The following GIGYF2 variants were observed in gnomAD, a reference collection of about 807,000 sequenced individuals.
The protein encoded by GIGYF2 is GRB10-interacting GYF protein 2.
In GIGYF2, 25 loss-of-function variants were observed where a neutral mutation model predicts 208.1. The observed-to-expected ratio is 0.12, with a 90% CI of 0.09 to 0.17. The LOEUF (loss-of-function observed/expected upper bound fraction) is 0.17. Among genes scored for constraint, GIGYF2 ranks in the 10% least tolerant of loss-of-function variants. The pLI is 1.00. For synonymous variants in GIGYF2, 534 were observed against 543.8 expected, an observed-to-expected ratio of 0.98 and a Z score of 0.25; for missense variants, 1,302 against 1,579.4, an observed-to-expected ratio of 0.82 and a Z score of 2.98.
chr2:232,717,950 C>T (rs1035218576), intron 2 of GIGYF2, among the ~76,000 whole-genome samples: 3 of 152,014 alleles, frequency 2.0e-5, no homozygotes, highest in African/African-American at 7.2e-5. Flanking sequence ...GGTCATATAC[C>T]CAAACCATAG....
At chr2:232,830,801 C>T (rs1375621114) in intron 21 of GIGYF2, among the ~76,000 whole-genome samples, 1 of 140,722 alleles carries the variant, frequency 7.1e-6, no homozygotes, top group African/African-American at 2.7e-5. Context: ...AGCAACATAG[C>T]GAGACCCTGT....
Position 232,751,699 on chromosome 2 carries a change from A to C in GIGYF2, c.267+2617A>C, listed in dbSNP as rs140466377. On this transcript the variant is annotated intron_variant, in intron 5 of 28. Transcript: ENST00000373563. ...AATATATCAGAAGAGGGAAGAGGAC[A>C]TGCTACTAGTTACCAAAATGTGGTA... 3.9e-3 allele frequency among the ~76,000 whole-genome samples: 598 copies of C among 152,320 alleles called. 1 individual carries two copies. The highest frequency in any genetic ancestry group is 0.013 in the African/African-American group (561 of 41,564).
chr2:232,714,082 TGG>T (rs1696559230), intron 2 of GIGYF2, among the ~76,000 whole-genome samples: 1 of 152,048 alleles, frequency 6.6e-6, no homozygotes, highest in Non-Finnish European at 1.5e-5. Flanking sequence ...CCAGAGTAGC[TGG>T]GACTACAGGC....
rs972661229 is a variant in GIGYF2, at chr2:232,807,658, G to T, written c.1806+1001G>T. Among the ~76,000 whole-genome samples the T allele has an allele frequency of 3.9e-5, 6 of 152,318 alleles. No individual in the cohort carries two copies. In the East Asian group the frequency reaches 1.2e-3, roughly 29 times the overall value. Reference sequence around the variant, plus strand: ...CCTCTCAGTAGTGTTCCTTTTGGAGGTCTTTCACCTGTACCTCATTTTTTC... The same window carrying T: ...CCTCTCAGTAGTGTTCCTTTTGGAGTTCTTTCACCTGTACCTCATTTTTTC... On this transcript the variant is annotated intron_variant, in intron 15 of 28. Transcript: ENST00000373563.
At chr2:232,819,777 A>G (rs749841778) in intron 20 of GIGYF2, 50 bp from the exon 21 acceptor site, 1 of 766,180 alleles carries the variant, frequency 1.3e-6, no homozygotes, top group Non-Finnish European at 2.4e-6. Flanking sequence ...AAATTGAATG[A>G]TAGACCTGAG....
intron 8 of GIGYF2, chr2:232,776,435 A>G (rs763743376): frequency 3.1e-6 from 5 of 1,600,986 alleles, no homozygotes; most frequent in Non-Finnish European, 4.3e-6. Flanking sequence ...ATATTATTGC[A>G]TGTACTCACC....
chr2:232,750,479 C>A (rs1698296916), intron 5 of GIGYF2, among the ~76,000 whole-genome samples: 1 of 152,180 alleles, frequency 6.6e-6, no homozygotes, highest in African/African-American at 2.4e-5. Context: ...AATATATTTT[C>A]CGCCTTTTAA....
At chr2:232,747,778 A>G (rs377194185) in intron 4 of GIGYF2, 34 bp downstream of exon 4, 4 of 1,599,614 alleles carry the variant, frequency 2.5e-6, no homozygotes, top group African/African-American at 1.3e-5. Context: ...AAAATTGTGA[A>G]TGAGACTTTG....
In GIGYF2 at chr2:232,709,878, C is replaced by T. The variant is rs181596852; in HGVS notation, c.-44+6389C>T. Among the ~76,000 whole-genome samples, 184 of 152,238 alleles carry T rather than the reference C, an allele frequency of 1.2e-3. 1 individual carries two copies. The highest frequency in any genetic ancestry group is 5.2e-3 in the South Asian group (25 of 4,820). On this transcript the variant is annotated intron_variant, in intron 2 of 28. Coordinates refer to ENST00000373563, the MANE Select transcript of GIGYF2 (RefSeq NM_001103146.3). ...AACTCCTGGGCTCAAGTGATCCTCC[C>T]GCCTTGGCTTCTCAAAGTGCTGGGA...
In GIGYF2 at chr2:232,819,824, T is replaced by G; in HGVS notation, c.2371-3T>G. 1 of 953,848 alleles carries G rather than the reference T, an allele frequency of 1.0e-6. No homozygotes were observed. Among genetic ancestry groups the G allele is most frequent in the Non-Finnish European group, 1.4e-6 (1 of 690,590 alleles). 59.1% of individuals were successfully genotyped at this position (953,848 alleles called of 1,614,324 possible). A position where few individuals can be genotyped will look rare whatever the true frequency, so the allele number is the denominator to read the frequency against. Reference sequence around the variant, plus strand: ...CCCCCCACCCTCCATCTTTTTTCCTTAGGAAGAGGCTCTGCGTCGCCAGCG... The same window carrying G: ...CCCCCCACCCTCCATCTTTTTTCCTGAGGAAGAGGCTCTGCGTCGCCAGCG... On this transcript the variant is annotated splice_polypyrimidine_tract_variant and splice_region_variant and intron_variant, in intron 20 of 28. Coordinates refer to ENST00000373563, the MANE Select transcript of GIGYF2 (RefSeq NM_001103146.3).
At chr2:232,821,454 C>T (rs1701078438) in intron 21 of GIGYF2, among the ~76,000 whole-genome samples, 1 of 152,202 alleles carries the variant, frequency 6.6e-6, no homozygotes, top group African/African-American at 2.4e-5. Context: ...TTGCCTTGGC[C>T]TCCTAAAGTG....
intron 8 of GIGYF2, among the ~76,000 whole-genome samples, chr2:232,769,071 C>T (rs1158039068): frequency 6.6e-6 from 1 of 152,026 alleles, no homozygotes; most frequent in Non-Finnish European, 1.5e-5. Context: ...AAACTTCATC[C>T]TCTAGTTTCT....
chr2:232,726,089 G>A (rs771785384), intron 2 of GIGYF2, among the ~76,000 whole-genome samples: 21 of 152,162 alleles, frequency 1.4e-4, no homozygotes, highest in Non-Finnish European at 2.1e-4. Context: ...GCTGGGCGCC[G>A]TGGCCCACAC....
intron 1 of GIGYF2, among the ~76,000 whole-genome samples, chr2:232,699,135 A>T (rs1423642071): frequency 6.6e-6 from 1 of 152,216 alleles, no homozygotes; most frequent in Non-Finnish European, 1.5e-5. Context: ...AAGTGCCCTG[A>T]GAAGGCCTCA....
intron 6 of GIGYF2, chr2:232,760,261 T>C: frequency 1.9e-6 from 1 of 520,914 alleles, no homozygotes; most frequent in East Asian, 3.4e-5. Flanking sequence ...CATTATATTA[T>C]GTTAGTTTTT....
chr2:232,768,719 A>T, intron 8 of GIGYF2: 1 of 1,602,498 alleles, frequency 6.2e-7, no homozygotes, highest in Non-Finnish European at 8.5e-7. Context: ...AGATAAGATT[A>T]GGTTTGCCAT....
At chr2:232,768,915 G>T in intron 8 of GIGYF2, 1 of 1,041,630 alleles carries the variant, frequency 9.6e-7, no homozygotes, top group Non-Finnish European at 1.4e-6. Flanking sequence ...ATTTCTTGGT[G>T]CCATGCCTTT....
chr2:232,753,616 A>G (rs976327480), intron 5 of GIGYF2, among the ~76,000 whole-genome samples: 1 of 152,144 alleles, frequency 6.6e-6, no homozygotes, highest in Non-Finnish European at 1.5e-5. Flanking sequence ...TTTAGTATGT[A>G]TTAGACACTG....
Position 232,809,780 on chromosome 2 carries a change from C to G in GIGYF2, c.1867C>G (p.Gln623Glu). 1.2e-6 allele frequency: 2 copies of G among 1,605,360 alleles called. No individual in the cohort carries two copies. Among genetic ancestry groups the G allele is most frequent in the Non-Finnish European group, 1.7e-6 (2 of 1,171,972 alleles). The change falls in exon 16 of 29, where the codon CAG (glutamine) becomes GAG (glutamate). Residue 623 changes from glutamine (Q) to glutamate (E), a missense_variant. By Grantham distance (29) the Gln-to-Glu change is conservative. This residue lies in a region of GIGYF2 where 701 missense variants were observed against 793.0 expected (regional missense o/e 0.88). Transcript: ENST00000373563. ...AGAACTCACAGCCTTATACCAGATG[C>G]AGCACCTGCAGTACCAGCAGTTTTT... ...QQELTALYQM[Q>E]HLQYQQFLIQ...
Sources: gnomAD v4.1 joint callset for allele counts (sites outside exome capture counted in the v4.1 genomes callset) on GRCh38, gnomAD v4.1.1 for gene constraint, gnomAD v4.1.1 regional missense constraint, MANE v1.5 for transcripts, NCBI Gene and HGNC (gene_info 2026-07-23, HGNC 2026-07-21) for gene names.